ANKRD17: variants seen among roughly 807,000 people sequenced by gnomAD.
The protein encoded by ANKRD17 is ankyrin repeat domain-containing protein 17.
A neutral mutation model predicts 229.7 loss-of-function variants in ANKRD17; 19 were observed. The observed-to-expected ratio is 0.08, with a 90% CI of 0.06 to 0.12. The LOEUF (loss-of-function observed/expected upper bound fraction) is 0.12, where lower values mean the gene tolerates loss of function less well. Among genes scored for constraint, ANKRD17 ranks in the 10% least tolerant of loss-of-function variants. ANKRD17 has a pLI of 1.00. For synonymous variants in ANKRD17, 1,112 were observed against 1,146.1 expected (o/e 0.97, Z 0.60); for missense variants, 2,176 against 3,176.8 (o/e 0.68, Z 7.57).
At chr4:73,089,161 C>G (rs1381846507) in intron 29 of ANKRD17, among the ~76,000 whole-genome samples, 1 of 151,858 alleles carries the variant, frequency 6.6e-6, no homozygotes, top group East Asian at 1.9e-4. Context: ...CCTCAGCCCC[C>G]CAAGTAGCTG....
At chr4:73,084,736 A>T (rs1339065698) in intron 30 of ANKRD17, among the ~76,000 whole-genome samples, 1 of 152,200 alleles carries the variant, frequency 6.6e-6, no homozygotes, top group Non-Finnish European at 1.5e-5. Flanking sequence ...GGTGTATGCC[A>T]CTGTGCCCAG....
intron 3 of ANKRD17, among the ~76,000 whole-genome samples, chr4:73,157,556 A>G (rs573866745): frequency 6.6e-6 from 1 of 152,332 alleles, no homozygotes; most frequent in East Asian, 1.9e-4. Context: ...TTTTTATTTC[A>G]AATATAACTC....
At chr4:73,200,994 G>T (rs375308993) in intron 1 of ANKRD17, among the ~76,000 whole-genome samples, 2 of 94,952 alleles carry the variant, frequency 2.1e-5, no homozygotes, top group Non-Finnish European at 3.9e-5. Context: ...GGGCGGGGGG[G>T]GGGGGAGATT....
At chr4:73,197,310 A>G (rs2149091399) in intron 1 of ANKRD17, among the ~76,000 whole-genome samples, 1 of 152,366 alleles carries the variant, frequency 6.6e-6, no homozygotes, top group South Asian at 2.1e-4. Context: ...TAACTGTGCT[A>G]TCATGCAATA....
chr4:73,137,402 A>G (rs1729043286), intron 15 of ANKRD17, among the ~76,000 whole-genome samples: 1 of 152,188 alleles, frequency 6.6e-6, no homozygotes, highest in Admixed American at 6.5e-5. Context: ...TTATGGTAGA[A>G]GTCTAATAAA....
intron 1 of ANKRD17, chr4:73,222,859 T>C (rs1433525287): frequency 1.2e-6 from 1 of 851,698 alleles, no homozygotes; most frequent in South Asian, 1.5e-5. Flanking sequence ...CTTGCTTTTA[T>C]GCTCTGCTTC....
At chr4:73,175,374 T>C (rs1734596032) in intron 2 of ANKRD17, among the ~76,000 whole-genome samples, 1 of 152,118 alleles carries the variant, frequency 6.6e-6, no homozygotes, top group African/African-American at 2.4e-5. Context: ...ACTGGGCTCC[T>C]CCCTTGACAC....
At chr4:73,225,999 G>A (rs1447939555) in intron 1 of ANKRD17, among the ~76,000 whole-genome samples, 8 of 116,292 alleles carry the variant, frequency 6.9e-5, no homozygotes, top group Middle Eastern at 5.2e-3. Context: ...TTTTTGAGGC[G>A]GAGTCTCGCT....
intron 3 of ANKRD17, among the ~76,000 whole-genome samples, chr4:73,158,152 A>AAAAGAAAAGAAAGAAAG (rs1553925352): frequency 1.6e-5 from 2 of 128,708 alleles, no homozygotes; most frequent in Non-Finnish European, 3.3e-5. Context: ...GAAAGGAAGA[A>AAAAGAAAAGAAAGAAAG]AAAGAAAGAA....
chr4:73,115,787 G>C (rs1355319588), intron 23 of ANKRD17, 34 bp downstream of exon 23: 3 of 1,497,214 alleles, frequency 2.0e-6, no homozygotes. Context: ...TAACCGAATA[G>C]AGTCCCTTGC....
At chr4:73,204,448 C>A (rs1739179114) in intron 1 of ANKRD17, among the ~76,000 whole-genome samples, 1 of 150,338 alleles carries the variant, frequency 6.7e-6, no homozygotes, top group Admixed American at 6.6e-5. Flanking sequence ...AAATATGCTT[C>A]AAAAATAAGG....
rs752075449 is a variant in ANKRD17 at position 73,098,428 on chromosome 4, C to A, written c.4666G>T (p.Gly1556Cys). ...GTAGTTATGGTATTATTTCTTTTAC[C>A]ATGAGAACCTGCCAAAGTTGTCCAG... Reference protein sequence around the residue: ...ATWTTLAGSHGKRNNTITTTS... With the variant: ...ATWTTLAGSHCKRNNTITTTS... The change falls in exon 26 of 34, where the codon GGT becomes TGT. Residue 1556 changes from glycine (G) to cysteine (C), a missense_variant. Gly to Cys is a radical substitution (Grantham distance 159). Around this residue, in one of 18 missense-constraint regions of ANKRD17, gnomAD observed 105 missense variants for 118.3 expected, o/e 0.89. Coordinates refer to ENST00000358602, the MANE Select transcript of ANKRD17 (RefSeq NM_032217.5). The A allele has an allele frequency of 1.2e-6, 2 of 1,613,902 alleles. No individual in the cohort carries two copies. Among genetic ancestry groups the A allele is most frequent in the Non-Finnish European group, 1.7e-6 (2 of 1,180,018 alleles).
chr4:73,258,138 A>C, intron 1 of ANKRD17, 138 bp downstream of exon 1: 3 of 1,377,206 alleles, frequency 2.2e-6, no homozygotes, highest in Non-Finnish European at 1.9e-6. Flanking sequence ...AGGCCGAGGG[A>C]AGAAAGGGGG....
At chr4:73,104,486 C>G (rs773041015) in intron 24 of ANKRD17, among the ~76,000 whole-genome samples, 1 of 152,078 alleles carries the variant, frequency 6.6e-6, no homozygotes, top group Non-Finnish European at 1.5e-5. Flanking sequence ...GAAACGTGCA[C>G]CAGAAAAACG....
At position 73,094,074 on chromosome 4, in the gene ANKRD17, T is replaced by G; in HGVS notation, c.5327+5A>C. 6.2e-7 allele frequency: 1 copy of G among 1,612,222 alleles called. No homozygotes were observed. Among genetic ancestry groups the G allele is most frequent in the Non-Finnish European group, 8.5e-7 (1 of 1,178,890 alleles). ...AGGAAGAAAATGTAAGAGACAAAGT[T>G]TTGCCTTATAGTGATTATCCGGTCT... is the stretch of plus-strand genomic sequence containing the variant. On this transcript the variant is annotated splice_donor_5th_base_variant and intron_variant, in intron 28 of 33. Transcript: ENST00000358602.
chr4:73,135,990 C>CA (rs1288802881), intron 15 of ANKRD17, among the ~76,000 whole-genome samples: 1 of 152,110 alleles, frequency 6.6e-6, no homozygotes, highest in Non-Finnish European at 1.5e-5. Flanking sequence ...AAACATTCTT[C>CA]AAATATGGAT....
At chr4:73,171,956 T>C (rs557762817) in intron 2 of ANKRD17, among the ~76,000 whole-genome samples, 1 of 152,244 alleles carries the variant, frequency 6.6e-6, no homozygotes. Context: ...CTAAAAGTTA[T>C]TGGCCTTAAA....
chr4:73,242,790 G>A (rs559664311), intron 1 of ANKRD17, among the ~76,000 whole-genome samples: 2 of 152,178 alleles, frequency 1.3e-5, no homozygotes, highest in East Asian at 3.9e-4. Flanking sequence ...TTCACTCAAA[G>A]TCTCCCACCC....
intron 15 of ANKRD17, among the ~76,000 whole-genome samples, chr4:73,136,494 A>G (rs1284793438): frequency 6.6e-6 from 1 of 152,188 alleles, no homozygotes; most frequent in Non-Finnish European, 1.5e-5. Context: ...CACACATTCT[A>G]TAATTATACA....
Sources: allele counts gnomAD v4.1 joint callset (sites outside exome capture counted in the v4.1 genomes callset), GRCh38; gene constraint gnomAD v4.1.1; regional missense constraint gnomAD v4.1.1; transcripts MANE v1.5; gene names NCBI Gene and HGNC (gene_info 2026-07-23, HGNC 2026-07-21).